BLTP1: variants seen among roughly 807,000 people sequenced by gnomAD.
BLTP1 encodes the protein bridge-like lipid transfer protein family member 1.
chr4:122,188,313 AT>A, the BLTP1 span: 39 of 513,002 alleles, frequency 7.6e-5, no homozygotes, highest in East Asian at 3.0e-4. Context: ...TATAACTATA[AT>A]TTTTTTATCC....
chr4:122,328,127 C>G, the BLTP1 span: 1 of 1,604,970 alleles, frequency 6.2e-7, no homozygotes, highest in Non-Finnish European at 8.5e-7. Flanking sequence ...CAGAACTGGA[C>G]CTTTTGTCAG....
the BLTP1 span, chr4:122,344,570 T>G: frequency 6.5e-7 from 1 of 1,539,528 alleles, no homozygotes; most frequent in South Asian, 1.1e-5. Context: ...TGGTACTCAA[T>G]TTTATAGTTT....
At chr4:122,167,902 C>T in the BLTP1 span, 5 of 985,210 alleles carry the variant, frequency 5.1e-6, no homozygotes, top group African/African-American at 7.0e-5. Context: ...CCACCGTTTG[C>T]TCCATGAAGA....
the BLTP1 span, chr4:122,275,907 T>A: frequency 1.4e-6 from 2 of 1,420,836 alleles, no homozygotes; most frequent in Non-Finnish European, 1.8e-6. Flanking sequence ...TGTAACTAAT[T>A]TGTGCATGAA....
chr4:122,172,094 T>A, the BLTP1 span, among the ~76,000 whole-genome samples: 5 of 151,934 alleles, frequency 3.3e-5, no homozygotes, highest in Admixed American at 1.3e-4. Context: ...TTTTTTTTTT[T>A]AAAATGGCAA....
At chr4:122,247,406 G>T in the BLTP1 span, 16 of 1,600,148 alleles carry the variant, frequency 1.0e-5, no homozygotes, top group Non-Finnish European at 1.4e-5. Flanking sequence ...ATAAATGTAA[G>T]ATGATTTTGC....
chr4:122,272,529 T>A, the BLTP1 span: 2 of 726,932 alleles, frequency 2.8e-6, no homozygotes, highest in Non-Finnish European at 2.2e-6. Context: ...CCAGAAAAAC[T>A]GGACTTCCCA....
At chr4:122,320,492 G>A in the BLTP1 span, among the ~76,000 whole-genome samples, 1 of 152,040 alleles carries the variant, frequency 6.6e-6, no homozygotes, top group African/African-American at 2.4e-5. Flanking sequence ...ATTGTTATTT[G>A]TTCTTGAAGA....
chr4:122,224,956 T>C, the BLTP1 span: 1 of 1,214,684 alleles, frequency 8.2e-7, no homozygotes, highest in Non-Finnish European at 1.0e-6. Context: ...TCAGGATGAG[T>C]ACTTTTCTAG....
At chr4:122,326,718 AATC>A in the BLTP1 span, among the ~76,000 whole-genome samples, 479 of 151,830 alleles carry the variant, frequency 3.2e-3, 3 homozygotes, top group African/African-American at 0.011. Context: ...GTATATAAAA[AATC>A]ATGAATTATA....
chr4:122,209,840 A>T, the BLTP1 span: 1 of 1,613,524 alleles, frequency 6.2e-7, no homozygotes, highest in East Asian at 2.2e-5. Flanking sequence ...TGAATGCTGG[A>T]CTGTCCCAAG....
chr4:122,346,561 T>C, the BLTP1 span: 2 of 1,574,066 alleles, frequency 1.3e-6, no homozygotes, highest in Non-Finnish European at 1.7e-6. Context: ...GTCTTATACC[T>C]ACCATGTGAA....
At chr4:122,238,661 G>T in the BLTP1 span, among the ~76,000 whole-genome samples, 1 of 152,102 alleles carries the variant, frequency 6.6e-6, no homozygotes, top group Non-Finnish European at 1.5e-5. Flanking sequence ...GATACTTTTT[G>T]TTCCTCCTCT....
At chr4:122,190,102 T>G in the BLTP1 span, 1 of 1,611,906 alleles carries the variant, frequency 6.2e-7, no homozygotes, top group Non-Finnish European at 8.5e-7. Flanking sequence ...TTGTTGTTGC[T>G]GTTTTTTTTA....
chr4:122,237,767 G>T, the BLTP1 span: 2 of 234,178 alleles, frequency 8.5e-6, no homozygotes, highest in African/African-American at 4.7e-5. Context: ...GGCGGATCAC[G>T]AAGTCAAGAG....
the BLTP1 span, chr4:122,200,735 G>A: frequency 1.5e-5 from 15 of 970,766 alleles, no homozygotes; most frequent in East Asian, 6.9e-4. Flanking sequence ...TTACCCCATT[G>A]GTTTATCTGG....
At chr4:122,229,120 G>A in the BLTP1 span, 1 of 1,586,340 alleles carries the variant, frequency 6.3e-7, no homozygotes, top group Non-Finnish European at 8.6e-7. Flanking sequence ...TTTTATTTTA[G>A]TTGAGTTGTA....
At chr4:122,190,117 G>A in the BLTP1 span, 12 of 1,609,624 alleles carry the variant, frequency 7.5e-6, 1 homozygote, top group South Asian at 2.2e-5. Flanking sequence ...TTTTTAAAGT[G>A]ACAGAGTGAG....
At chr4:122,174,449 T>A in the BLTP1 span, 2 of 1,449,160 alleles carry the variant, frequency 1.4e-6, no homozygotes, top group South Asian at 2.7e-5. Flanking sequence ...TGTAAGGGTA[T>A]CAGGAAGAGA....
Sources: allele counts gnomAD v4.1 joint callset (sites outside exome capture counted in the v4.1 genomes callset), GRCh38; gene constraint gnomAD v4.1.1; transcripts MANE v1.5; gene names NCBI Gene and HGNC (gene_info 2026-07-23, HGNC 2026-07-21).